Variants in NAV2 observed in about 807,000 individuals in gnomAD.
NAV2 encodes helicase, APC down-regulated 1.
A neutral mutation model predicts 223.2 loss-of-function variants in NAV2; 54 were observed. The ratio of observed to expected loss-of-function variants is 0.24; its 90% CI spans 0.19 to 0.30. The LOEUF is 0.30. Among genes scored for constraint, NAV2 ranks in the 10% least tolerant of loss-of-function variants. The pLI is 1.00. For missense variants in NAV2, 2,806 were observed against 3,147.5 expected (o/e 0.89, Z 2.60); for synonymous variants, 1,279 against 1,239.3 (o/e 1.03, Z -0.67).
Position 19,432,194 on chromosome 11 carries a change from G to A in NAV2, c.75+81167G>A, listed in dbSNP as rs1477342649. ...GCCTGGGCAACAAGAGCAAAACTCC[G>A]ACCAAAAAAAAAAAAAAAAAGCATT... is the stretch of plus-strand genomic sequence containing the variant. On this transcript the variant is annotated intron_variant, in intron 1 of 37. Coordinates refer to the NAV2 transcript ENST00000360655. Among the ~76,000 whole-genome samples the A allele has an allele frequency of 7.0e-3, 457 of 64,930 alleles. 1 individual carries two copies. The highest frequency in any genetic ancestry group is 0.018 in the African/African-American group (353 of 20,048). 42.6% of individuals were successfully genotyped at this position (64,930 alleles called of 152,430 possible).
At chr11:19,773,680 T>C (rs2055900093) in intron 1 of NAV2, among the ~76,000 whole-genome samples, 1 of 152,152 alleles carries the variant, frequency 6.6e-6, no homozygotes, top group African/African-American at 2.4e-5. Context: ...GAGAAGCCAC[T>C]TCTGTCTCTG....
intron 11 of NAV2, among the ~76,000 whole-genome samples, chr11:19,996,152 G>C (rs2051859025): frequency 6.6e-6 from 1 of 152,194 alleles, no homozygotes; most frequent in Admixed American, 6.5e-5. Flanking sequence ...AGTGCTATAA[G>C]GGGCAAAGTT....
intron 10 of NAV2, among the ~76,000 whole-genome samples, chr11:19,973,605 G>A (rs1304739517): frequency 2.0e-5 from 3 of 152,212 alleles, no homozygotes; most frequent in Non-Finnish European, 4.4e-5. Context: ...TTAAGCGTGT[G>A]TGCTAAAATT....
At chr11:20,066,797 A>G (rs938706200) in intron 20 of NAV2, among the ~76,000 whole-genome samples, 1 of 152,192 alleles carries the variant, frequency 6.6e-6, no homozygotes, top group Admixed American at 6.5e-5. Context: ...GCGAGGACCC[A>G]AGGACAAAAT....
chr11:19,421,489 G>T lies in NAV2; in HGVS notation c.75+70462G>T, dbSNP rs78067646. On this transcript the variant is annotated intron_variant, in intron 1 of 37. Coordinates refer to the NAV2 transcript ENST00000360655. ...AATTTAATTGTTATCAATTTATTTT[G>T]TTGCATATAAGGAAGGAATATAATC... Among the ~76,000 whole-genome samples the T allele has an allele frequency of 3.1e-3, 474 of 152,256 alleles. 2 individuals are homozygous for T. Among genetic ancestry groups the T allele is most frequent in the African/African-American group, 0.011 (465 of 41,550 alleles).
intron 1 of NAV2, among the ~76,000 whole-genome samples, chr11:19,497,463 T>C (rs2042832547): frequency 6.6e-6 from 1 of 152,148 alleles, no homozygotes; most frequent in South Asian, 2.1e-4. Flanking sequence ...GTGGGAGTCT[T>C]TAGAATGTGA....
chr11:19,699,240 G>C (rs2049438178), intron 1 of NAV2, among the ~76,000 whole-genome samples: 1 of 152,196 alleles, frequency 6.6e-6, no homozygotes. Context: ...CTAGCTCTGT[G>C]ACCTTGGGCA....
At chr11:19,409,908 C>T (rs1850067215) in intron 1 of NAV2, among the ~76,000 whole-genome samples, 1 of 152,136 alleles carries the variant, frequency 6.6e-6, no homozygotes, top group South Asian at 2.1e-4. Flanking sequence ...TGACTGAGCA[C>T]TCTGGGCTGA....
At chr11:19,945,350 TCCTTC>T (rs1019309379) in intron 8 of NAV2, among the ~76,000 whole-genome samples, 2 of 100,278 alleles carry the variant, frequency 2.0e-5, no homozygotes, top group East Asian at 2.6e-4. Flanking sequence ...TCCTTCCCTT[TCCTTC>T]CCTTCCCTTC....
rs145173900 is a variant in NAV2, at chr11:20,111,756, C to T, written c.6961-2836C>T. The stretch of plus-strand genomic sequence containing the variant: ...GCTCTGAGACCCCAGACAGGTCTCC[C>T]GTCTCTTGGCCTTGGGTTCTCCATC... On this transcript the variant is annotated intron_variant, in intron 36 of 37. Transcript: ENST00000349880. Among the ~76,000 whole-genome samples, 690 of 152,302 alleles carry T rather than the reference C, an allele frequency of 4.5e-3. 6 individuals carry two copies. The highest frequency in any genetic ancestry group is 0.016 in the African/African-American group (649 of 41,558).
intron 6 of NAV2, among the ~76,000 whole-genome samples, chr11:19,928,202 A>G (rs2044964255): frequency 8.8e-6 from 1 of 113,826 alleles, no homozygotes; most frequent in African/African-American, 3.2e-5. Flanking sequence ...TCTGTGAGCC[A>G]CTTGTGTTTT....
chr11:20,097,040 A>C (rs190320065), intron 30 of NAV2, among the ~76,000 whole-genome samples: 157 of 152,316 alleles, frequency 1.0e-3, no homozygotes, highest in Non-Finnish European at 2.0e-3. Flanking sequence ...ACATTTACTA[A>C]CCTAAAACCT....
At chr11:20,095,894 A>C in intron 30 of NAV2, 127 bp downstream of exon 30, 2 of 726,282 alleles carry the variant, frequency 2.8e-6, no homozygotes, top group Non-Finnish European at 5.0e-6. Context: ...CTACATGTTA[A>C]TGTTGCTGGA....
chr11:19,362,972 CTGA>C (rs1402807992), intron 1 of NAV2, among the ~76,000 whole-genome samples: 3 of 152,150 alleles, frequency 2.0e-5, no homozygotes, highest in Admixed American at 6.5e-5. Flanking sequence ...TTACAACAAT[CTGA>C]TGATGAAGGG....
At chr11:19,470,735 G>GAA (rs2041938218) in intron 1 of NAV2, among the ~76,000 whole-genome samples, 1 of 152,154 alleles carries the variant, frequency 6.6e-6, no homozygotes, top group Non-Finnish European at 1.5e-5. Context: ...AATGGGGACT[G>GAA]GCAAAAGCAA....
At chr11:20,043,077 GGCATCATTGGCTCTCC>G (rs1179143143) in intron 12 of NAV2, among the ~76,000 whole-genome samples, 6 of 152,206 alleles carry the variant, frequency 3.9e-5, no homozygotes, top group Non-Finnish European at 8.8e-5. Context: ...GGTCGGAGCA[GGCATCATTGGCTCTCC>G]GCATTTGGGG....
chr11:19,894,219 T>C (rs1359813406), intron 6 of NAV2, among the ~76,000 whole-genome samples: 4 of 151,916 alleles, frequency 2.6e-5, no homozygotes, highest in Non-Finnish European at 5.9e-5. Flanking sequence ...AGAGATGGAG[T>C]TGAATTTGAA....
chr11:19,824,216 C>A (rs758704138), intron 1 of NAV2, among the ~76,000 whole-genome samples: 15 of 152,300 alleles, frequency 9.8e-5, no homozygotes, highest in Non-Finnish European at 1.0e-4. Context: ...CAGAAGGACA[C>A]TGATGTTCAG....
At chr11:19,472,783 A>G (rs1459436516) in intron 1 of NAV2, among the ~76,000 whole-genome samples, 2 of 152,304 alleles carry the variant, frequency 1.3e-5, no homozygotes, top group East Asian at 1.9e-4. Context: ...CGGGAAGATG[A>G]AGCACTGCCT....
Sources: gnomAD v4.1 joint callset for allele counts (sites outside exome capture counted in the v4.1 genomes callset) on GRCh38, gnomAD v4.1.1 for gene constraint, MANE v1.5 for transcripts, NCBI Gene and HGNC (gene_info 2026-07-23, HGNC 2026-07-21) for gene names.